The following DMD variants were observed in gnomAD, a reference collection of about 807,000 sequenced individuals.
DMD encodes the protein mutant dystrophin.
In DMD, 63 loss-of-function variants were observed where a neutral mutation model predicts 330.1. The ratio of observed to expected loss-of-function variants is 0.19; its 90% CI spans 0.16 to 0.24. The LOEUF (loss-of-function observed/expected upper bound fraction) is 0.24. DMD is among the 10% of genes least tolerant of loss of function. The probability of loss-of-function intolerance (pLI) is 1.00; values close to 1 mark genes in which losing one functional copy is unlikely to be tolerated. For synonymous variants in DMD, 1,223 were observed against 959.8 expected (o/e 1.27, Z -5.07); for missense variants, 3,344 against 2,684.1 (o/e 1.25, Z -5.43).
intron 2 of DMD, among the ~76,000 whole-genome samples, chrX:32,969,211 A>ATGGC (rs2092298261): frequency 2.7e-3 from 176 of 66,123 alleles, no homozygotes; most frequent in African/African-American, 6.7e-3. Flanking sequence ...TGCTCTTTAT[A>ATGGC]AACCACCCAG....
At chrX:31,222,675 G>C (rs1483294121) in intron 64 of DMD, among the ~76,000 whole-genome samples, 3 of 110,664 alleles carry the variant, frequency 2.7e-5, no homozygotes, top group Non-Finnish European at 5.7e-5. Flanking sequence ...GTTTAGATCA[G>C]ATAGTCATAG....
At chrX:31,560,736 A>T (rs2075146159) in intron 55 of DMD, among the ~76,000 whole-genome samples, 1 of 110,702 alleles carries the variant, frequency 9.0e-6, no homozygotes, top group Non-Finnish European at 1.9e-5. Flanking sequence ...GAGAATGAAG[A>T]CCTATATGAT....
intron 2 of DMD, among the ~76,000 whole-genome samples, chrX:32,925,167 T>A (rs1408296553): frequency 1.0e-5 from 1 of 99,146 alleles, no homozygotes; most frequent in Non-Finnish European, 2.0e-5. Context: ...TTTTTTTTTT[T>A]TTTTTTTAGA....
intron 59 of DMD, among the ~76,000 whole-genome samples, chrX:31,448,157 T>C (rs1037440552): frequency 1.8e-5 from 2 of 111,182 alleles, no homozygotes; most frequent in Non-Finnish European, 3.8e-5. Context: ...AAGGTTCACT[T>C]TGGGGAAGTC....
At chrX:31,523,731 G>A (rs1259975021) in intron 55 of DMD, among the ~76,000 whole-genome samples, 1 of 112,141 alleles carries the variant, frequency 8.9e-6, no homozygotes, top group Non-Finnish European at 1.9e-5. Flanking sequence ...TTTGCACCTC[G>A]GGGAAAGCGG....
At chrX:32,444,013 G>C (rs1020066593) in intron 27 of DMD, among the ~76,000 whole-genome samples, 1 of 110,436 alleles carries the variant, frequency 9.1e-6, no homozygotes. Flanking sequence ...AGAGGGAAAT[G>C]AAAGTAGAAA....
chrX:31,615,375 C>T (rs1013709611), intron 55 of DMD, among the ~76,000 whole-genome samples: 5 of 111,643 alleles, frequency 4.5e-5, no homozygotes, highest in African/African-American at 1.3e-4. Context: ...TTAACGTTAT[C>T]TATCAGTCAT....
chrX:31,631,934 G>A (rs894447791), intron 54 of DMD, among the ~76,000 whole-genome samples: 7 of 111,244 alleles, frequency 6.3e-5, no homozygotes, highest in East Asian at 5.6e-4. Flanking sequence ...CTGAAGGGGC[G>A]GAGTGTTGGA....
intron 50 of DMD, among the ~76,000 whole-genome samples, chrX:31,785,349 C>A (rs1304636563): frequency 8.9e-6 from 1 of 111,921 alleles, no homozygotes; most frequent in Non-Finnish European, 1.9e-5. Flanking sequence ...TGAAAACATT[C>A]TAGAGATCTG....
At chrX:31,254,604 A>G (rs1379196648) in intron 63 of DMD, among the ~76,000 whole-genome samples, 1 of 111,670 alleles carries the variant, frequency 9.0e-6, no homozygotes, top group East Asian at 2.8e-4. Context: ...AGCTCAAGTG[A>G]GCTGCTCGCC....
intron 20 of DMD, among the ~76,000 whole-genome samples, chrX:32,490,404 G>A (rs1344828080): frequency 9.0e-6 from 1 of 110,836 alleles, no homozygotes; most frequent in East Asian, 2.8e-4. Flanking sequence ...CTCTTTCTCA[G>A]GCCCTTTTGT....
At chrX:32,248,021 T>A (rs1159989153) in intron 43 of DMD, among the ~76,000 whole-genome samples, 1 of 111,846 alleles carries the variant, frequency 8.9e-6, no homozygotes, top group African/African-American at 3.2e-5. Flanking sequence ...ACTTTCATAA[T>A]TATGACCACA....
intron 1 of DMD, among the ~76,000 whole-genome samples, chrX:33,319,951 GGAGT>G (rs2053991304): frequency 9.0e-6 from 1 of 111,704 alleles, no homozygotes; most frequent in Non-Finnish European, 1.9e-5. Flanking sequence ...TTATGCAAAT[GGAGT>G]GAGTTGTAAT....
At position 31,898,113 on chromosome X, in the gene DMD, A is replaced by C. The variant is rs1268991479; in HGVS notation, c.6913-22740T>G. Among the ~76,000 whole-genome samples, 76 of 110,328 alleles carry C rather than the reference A, an allele frequency of 6.9e-4. 1 individual carries two copies. Among genetic ancestry groups the C allele is most frequent in the East Asian group, 4.6e-3 (16 of 3,488 alleles). ...ACTACAAACCACTGCTCAAGGAAATAAAAGAGGATACAAACAAATGGAAGA... is the reference window on the plus strand; with the variant it reads ...ACTACAAACCACTGCTCAAGGAAATCAAAGAGGATACAAACAAATGGAAGA... On this transcript the variant is annotated intron_variant, in intron 47 of 78. Transcript: ENST00000357033.
chrX:31,557,758 G>C (rs1191154412), intron 55 of DMD, among the ~76,000 whole-genome samples: 2 of 111,407 alleles, frequency 1.8e-5, no homozygotes, highest in African/African-American at 6.5e-5. Flanking sequence ...TGTAGTAGAA[G>C]AGGGGGAAAT....
intron 59 of DMD, among the ~76,000 whole-genome samples, chrX:31,453,777 A>AC: frequency 9.6e-6 from 1 of 103,663 alleles, no homozygotes; most frequent in African/African-American, 3.5e-5. Flanking sequence ...AAAAAAAAAA[A>AC]AAAAAAAAAA....
At chrX:32,836,638 G>C (rs961301829) in intron 4 of DMD, among the ~76,000 whole-genome samples, 2 of 111,315 alleles carry the variant, frequency 1.8e-5, no homozygotes, top group Non-Finnish European at 3.8e-5. Flanking sequence ...CAAAATCAAA[G>C]ACAAAAATTC....
At chrX:31,936,933 T>C (rs1316988319) in intron 45 of DMD, among the ~76,000 whole-genome samples, 1 of 111,267 alleles carries the variant, frequency 9.0e-6, no homozygotes, top group Non-Finnish European at 1.9e-5. Flanking sequence ...TTTCTGCTTG[T>C]TGATCTACTG....
rs182014971 is a variant in DMD, at chrX:31,781,458, G to A, written c.7310-7266C>T. Among the ~76,000 whole-genome samples, 4 of 111,947 alleles carry A rather than the reference G, an allele frequency of 3.6e-5. No homozygotes were observed. In the East Asian group the frequency reaches 8.5e-4, roughly 24 times the overall value. ...TTTAATTTGGGAGAGAAGATCATTTGATATAGCTATAAAAATATGGATTGT... is the reference window on the plus strand; with the variant it reads ...TTTAATTTGGGAGAGAAGATCATTTAATATAGCTATAAAAATATGGATTGT... On this transcript the variant is annotated intron_variant, in intron 50 of 78. Transcript: ENST00000357033.
Sources: allele counts gnomAD v4.1 joint callset (sites outside exome capture counted in the v4.1 genomes callset), GRCh38; gene constraint gnomAD v4.1.1; transcripts MANE v1.5; gene names NCBI Gene and HGNC (gene_info 2026-07-23, HGNC 2026-07-21).